The following KIF6 variants were observed in gnomAD, a reference collection of about 807,000 sequenced individuals.
The protein encoded by KIF6 is kinesin family member 6, also known as kinesin-like protein KIF6.
In KIF6, 106 loss-of-function variants were observed where a neutral mutation model predicts 112.7. That is an observed-to-expected ratio of 0.94 (90% CI 0.80 to 1.11). The LOEUF (loss-of-function observed/expected upper bound fraction) is 1.11. Ranked by LOEUF, KIF6 falls within the 50% of genes least tolerant of loss-of-function variation. The pLI is 0.00. For synonymous variants in KIF6, 339 were observed against 339.9 expected (o/e 1.00, Z 0.03); for missense variants, 929 against 964.0 (o/e 0.96, Z 0.48).
At position 39,629,425 on chromosome 6, in the gene KIF6, T is replaced by C. The variant is rs147451773; in HGVS notation, c.509+5424A>G. On this transcript the variant is annotated intron_variant, in intron 5 of 22. Transcript: ENST00000287152. ...TGCAATTCCCTAATGACAGGTGATGTTGAGATTCTTTTCATACGCTATTTG... is the reference window on the plus strand; with the variant it reads ...TGCAATTCCCTAATGACAGGTGATGCTGAGATTCTTTTCATACGCTATTTG... Among the ~76,000 whole-genome samples, 275 of 152,212 alleles carry C rather than the reference T, an allele frequency of 1.8e-3. 2 individuals are homozygous for C. Among genetic ancestry groups the C allele is most frequent in the African/African-American group, 6.4e-3 (266 of 41,548 alleles).
chr6:39,483,719 C>G (rs1774947645), intron 13 of KIF6, among the ~76,000 whole-genome samples: 1 of 152,054 alleles, frequency 6.6e-6, no homozygotes, highest in Non-Finnish European at 1.5e-5. Flanking sequence ...AAAGGAGAAC[C>G]TCAAGGACTG....
At position 39,343,146 on chromosome 6, in the gene KIF6, TG is replaced by T. The variant is rs1763436782; in HGVS notation, c.2428+562del. ...TGGGCAGCTGCCAAGAGGACGGGGC[TG>T]GGGGTGGAGGGGGCAGTGATGCAGA... On this transcript the variant is annotated intron_variant, in intron 22 of 22. Coordinates refer to ENST00000287152, the MANE Select transcript of KIF6 (RefSeq NM_145027.6). This position sits in a 1 kb window ranked among gnomAD's most constrained non-coding sequence, Gnocchi z 4.1. 1 of 985,220 alleles carries T rather than the reference TG, an allele frequency of 1.0e-6. No individual in the cohort carries two copies. Among genetic ancestry groups the T allele is most frequent in the South Asian group, 4.7e-5 (1 of 21,274 alleles). 61.0% of individuals were successfully genotyped at this position (985,220 alleles called of 1,614,324 possible).
In KIF6 at chr6:39,368,089, C is replaced by T. The variant is rs148734623; in HGVS notation, c.1862-5571G>A. On this transcript the variant is annotated intron_variant, in intron 16 of 22. Coordinates refer to ENST00000287152, the MANE Select transcript of KIF6 (RefSeq NM_145027.6). ...GTTTAGATAGGATGGTGTGTAGGAG[C>T]CAGCACGTCCCCTACATGCCTGCCT... is the stretch of plus-strand genomic sequence containing the variant. 4.9e-3 allele frequency among the ~76,000 whole-genome samples: 741 copies of T among 152,282 alleles called. 7 individuals are homozygous for T. The highest frequency in any genetic ancestry group is 0.017 in the African/African-American group (694 of 41,540).
chr6:39,698,224 C>T (rs1015622948), intron 3 of KIF6, among the ~76,000 whole-genome samples: 1 of 152,154 alleles, frequency 6.6e-6, no homozygotes, highest in Non-Finnish European at 1.5e-5. Flanking sequence ...GATAGAAATA[C>T]TTCCTCTACC....
chr6:39,357,220 G>C, intron 19 of KIF6, 57 bp downstream of exon 19: 1 of 1,070,162 alleles, frequency 9.3e-7, no homozygotes, highest in Non-Finnish European at 1.4e-6. Flanking sequence ...AGGTTAAACA[G>C]AAAGGTAGGG....
intron 6 of KIF6, among the ~76,000 whole-genome samples, chr6:39,605,184 C>T (rs1472459267): frequency 6.6e-6 from 1 of 151,968 alleles, no homozygotes; most frequent in African/African-American, 2.4e-5. Context: ...AAATGTCTGC[C>T]CAACCCCCTG....
At chr6:39,652,513 G>T (rs1785530590) in intron 3 of KIF6, among the ~76,000 whole-genome samples, 1 of 144,066 alleles carries the variant, frequency 6.9e-6, no homozygotes, top group Non-Finnish European at 1.5e-5. Context: ...GGCAACAGGA[G>T]TGAAACTCCA....
At chr6:39,374,148 G>A (rs899753198) in intron 16 of KIF6, among the ~76,000 whole-genome samples, 2 of 152,252 alleles carry the variant, frequency 1.3e-5, no homozygotes, top group East Asian at 3.9e-4. Flanking sequence ...TTCAATAAAA[G>A]GTGTTGGGAA....
chr6:39,641,649 T>TA (rs199654983), intron 3 of KIF6, among the ~76,000 whole-genome samples: 17 of 144,246 alleles, frequency 1.2e-4, no homozygotes, highest in African/African-American at 3.8e-4. Flanking sequence ...ATAATATATA[T>TA]AAAAAAAAGC....
intron 3 of KIF6, among the ~76,000 whole-genome samples, chr6:39,707,252 G>C (rs1789266801): frequency 6.6e-6 from 1 of 152,168 alleles, no homozygotes; most frequent in African/African-American, 2.4e-5. Flanking sequence ...ACTTCCCTTA[G>C]GGCCCCCTTC....
In KIF6 at chr6:39,342,281, C is replaced by T. The variant is rs1718340095; in HGVS notation, c.2428+1428G>A. ...AACCTACCCAGCTAAAAGCAGTCTTCCCAGTTACTGTCTACAACATTACAT... is the reference window on the plus strand; with the variant it reads ...AACCTACCCAGCTAAAAGCAGTCTTTCCAGTTACTGTCTACAACATTACAT... On this transcript the variant is annotated intron_variant, in intron 22 of 22. Transcript: ENST00000287152. The surrounding 1 kb of genome is among the most constrained non-coding windows in gnomAD (Gnocchi z 4.7). Among the ~76,000 whole-genome samples the T allele has an allele frequency of 6.6e-6, 1 of 152,248 alleles. No homozygotes were observed. Among genetic ancestry groups the T allele is most frequent in the African/African-American group, 2.4e-5 (1 of 41,462 alleles).
At chr6:39,563,128 A>G (rs757078190) in intron 10 of KIF6, among the ~76,000 whole-genome samples, 24 of 152,228 alleles carry the variant, frequency 1.6e-4, no homozygotes, top group African/African-American at 4.8e-4. Context: ...GTAGTCCCAG[A>G]TACTAGGAAG....
At chr6:39,516,664 T>A (rs1226750562) in intron 13 of KIF6, among the ~76,000 whole-genome samples, 1 of 152,118 alleles carries the variant, frequency 6.6e-6, no homozygotes, top group Non-Finnish European at 1.5e-5. Flanking sequence ...AAGGAAAACA[T>A]GTGCAAGTAT....
chr6:39,426,529 G>C (rs759439587), intron 14 of KIF6, among the ~76,000 whole-genome samples: 1 of 152,148 alleles, frequency 6.6e-6, no homozygotes, highest in African/African-American at 2.4e-5. Flanking sequence ...GGAGGGGGGA[G>C]GATCATTTGA....
At chr6:39,499,594 A>G (rs1381922169) in intron 13 of KIF6, among the ~76,000 whole-genome samples, 1 of 151,898 alleles carries the variant, frequency 6.6e-6, no homozygotes, top group Non-Finnish European at 1.5e-5. Flanking sequence ...TTCCTTAAAA[A>G]ACCTCTTCAA....
At chr6:39,461,659 A>G (rs1182068577) in intron 13 of KIF6, among the ~76,000 whole-genome samples, 4 of 152,168 alleles carry the variant, frequency 2.6e-5, no homozygotes, top group African/African-American at 9.6e-5. Context: ...ACTCATTTGC[A>G]TGTTTTATTC....
At chr6:39,337,925 G>C (rs1231098007) in intron 22 of KIF6, among the ~76,000 whole-genome samples, 2 of 152,210 alleles carry the variant, frequency 1.3e-5, no homozygotes, top group Non-Finnish European at 2.9e-5. Flanking sequence ...ACAAAATGTG[G>C]TCCATGGACC....
At chr6:39,346,963 C>T (rs1431492737) in intron 19 of KIF6, among the ~76,000 whole-genome samples, 1 of 152,202 alleles carries the variant, frequency 6.6e-6, no homozygotes, top group Non-Finnish European at 1.5e-5. Flanking sequence ...CAGTAATTTT[C>T]ATTGTTAGAG....
At chr6:39,708,595 T>A (rs906643732) in intron 3 of KIF6, among the ~76,000 whole-genome samples, 2 of 152,156 alleles carry the variant, frequency 1.3e-5, no homozygotes, top group African/African-American at 2.4e-5. Flanking sequence ...TTACAAAACA[T>A]TGAATTTCCA....
Sources: gnomAD v4.1 joint callset for allele counts (sites outside exome capture counted in the v4.1 genomes callset) on GRCh38, gnomAD v4.1.1 for gene constraint, Gnocchi (gnomAD v3.1) non-coding constraint, MANE v1.5 for transcripts, NCBI Gene and HGNC (gene_info 2026-07-23, HGNC 2026-07-21) for gene names.